The following STPG1 variants were observed in gnomAD, a reference collection of about 807,000 sequenced individuals.
The protein encoded by STPG1 is O(6)-methylguanine-induced apoptosis 2.
Under a neutral mutation model 40.1 loss-of-function variants are expected in STPG1, and 33 were observed. The ratio of observed to expected loss-of-function variants is 0.82; its 90% CI spans 0.62 to 1.10. STPG1 has a LOEUF of 1.10. STPG1 is among the 50% of genes least tolerant of loss of function. The pLI, the probability that STPG1 is intolerant of heterozygous loss-of-function variation, is 0.00. For synonymous variants in STPG1, 150 were observed against 155.0 expected, an observed-to-expected ratio of 0.97 and a Z score of 0.24; for missense variants, 396 against 415.1, an observed-to-expected ratio of 0.95 and a Z score of 0.40.
At chr1:24,408,778 T>C (rs991342348) in intron 1 of STPG1, among the ~76,000 whole-genome samples, 1 of 152,218 alleles carries the variant, frequency 6.6e-6, no homozygotes, top group Non-Finnish European at 1.5e-5. Context: ...CCCATTTTTT[T>C]CCCTAAGGAA....
intron 6 of STPG1, among the ~76,000 whole-genome samples, chr1:24,373,325 C>A (rs1641840428): frequency 6.6e-6 from 1 of 152,288 alleles, no homozygotes; most frequent in Non-Finnish European, 1.5e-5. Flanking sequence ...GTTGAAGGAA[C>A]AGGATGTATG....
intron 1 of STPG1, among the ~76,000 whole-genome samples, chr1:24,412,607 C>G (rs189802048): frequency 6.6e-6 from 1 of 152,142 alleles, no homozygotes; most frequent in Non-Finnish European, 1.5e-5. Flanking sequence ...ACCCGTAATC[C>G]CAGCACTTTG....
intron 2 of STPG1, among the ~76,000 whole-genome samples, chr1:24,395,428 A>ATTTT (rs71577706): frequency 3.1e-5 from 4 of 128,068 alleles, no homozygotes; most frequent in South Asian, 2.4e-4. Context: ...AAATTGAACA[A>ATTTT]TTTTTTTTTT....
intron 2 of STPG1, among the ~76,000 whole-genome samples, chr1:24,396,092 A>T (rs1642987936): frequency 6.6e-6 from 1 of 152,182 alleles, no homozygotes; most frequent in Non-Finnish European, 1.5e-5. Context: ...AGGAAGGGAA[A>T]AATAAAAATA....
rs1169472393 is a variant in STPG1 at position 24,374,253 on chromosome 1, TTTTG to T, written c.463-447_463-444del. ...TCACCGCTAGGAAAGTGTTTTTTTTTTTTGTTTTTTTTTTTTTTTTTCTGAGACA... is the reference window on the plus strand; with the variant it reads ...TCACCGCTAGGAAAGTGTTTTTTTTTTTTTTTTTTTTTTTTTTCTGAGACA... On this transcript the variant is annotated intron_variant, in intron 5 of 8. Coordinates refer to ENST00000337248, the MANE Select transcript of STPG1 (RefSeq NM_001199013.2). Among the ~76,000 whole-genome samples the T allele has an allele frequency of 3.8e-3, 352 of 93,334 alleles. 52 individuals carry two copies. Among genetic ancestry groups the T allele is most frequent in the Non-Finnish European group, 4.6e-3 (231 of 49,982 alleles). The allele number at this position is 93,334 out of a possible 152,430, so 61.2% of individuals were successfully genotyped here.
chr1:24,405,882 A>G (rs1032194185), intron 1 of STPG1, among the ~76,000 whole-genome samples: 1 of 151,766 alleles, frequency 6.6e-6, no homozygotes, highest in Non-Finnish European at 1.5e-5. Flanking sequence ...TATTTTTTCT[A>G]TCCTTTTACT....
At chr1:24,373,417 G>C (rs1570010654) in intron 6 of STPG1, among the ~76,000 whole-genome samples, 1 of 152,190 alleles carries the variant, frequency 6.6e-6, no homozygotes, top group Non-Finnish European at 1.5e-5. Flanking sequence ...TCTGAGGTGA[G>C]AAGCCACTTC....
rs746151958 is a variant in STPG1 at position 24,383,876 on chromosome 1, C to T, written c.291+26G>A. On this transcript the variant is annotated intron_variant, in intron 4 of 8. Transcript: ENST00000337248. The stretch of plus-strand genomic sequence containing the variant: ...GAAGGAAATTACTGACCAGTTAATG[C>T]TTTACTCAAGAGAAGTGGTTCTCAC... The T allele has an allele frequency of 4.2e-6, 6 of 1,416,302 alleles. No individual in the cohort carries two copies. The East Asian group carries it at 1.4e-4, about 32-fold the overall frequency. 87.7% of individuals were successfully genotyped at this position (1,416,302 alleles called of 1,614,324 possible). A position where few individuals can be genotyped will look rare whatever the true frequency, so the allele number is the denominator to read the frequency against.
Position 24,391,583 on chromosome 1 carries a change from G to C in STPG1, c.167C>G (p.Ala56Gly). 1 of 1,539,216 alleles carries C rather than the reference G, an allele frequency of 6.5e-7. No homozygotes were observed. The highest frequency in any genetic ancestry group is 8.8e-7 in the Non-Finnish European group (1 of 1,136,756). ...TACCTTCTTATGAGGAAATCTCTTG[G>C]CTTGACTATTGAATCCTTTTTTTTC... ...ESEKKGFNSQ[A>G]KRFPHKKNDI... The change falls in exon 3 of 9, where the codon GCC becomes GGC. Residue 56 changes from alanine (A) to glycine (G), a missense_variant. Coordinates refer to ENST00000337248, the MANE Select transcript of STPG1 (RefSeq NM_001199013.2).
At chr1:24,394,820 T>C (rs1198744435) in intron 2 of STPG1, among the ~76,000 whole-genome samples, 1 of 152,038 alleles carries the variant, frequency 6.6e-6, no homozygotes, top group Non-Finnish European at 1.5e-5. Context: ...TAGTGAGCTG[T>C]GTGGAAACTT....
rs1052644749 is a variant in STPG1 at position 24,359,859 on chromosome 1, C to A, written c.928+992G>T. The stretch of plus-strand genomic sequence containing the variant: ...TAGGTCAGGAAGCACAGAGGCCGCC[C>A]ACTGGACTGAGTCCCTCATGATATT... On this transcript the variant is annotated intron_variant, in intron 8 of 8. Transcript: ENST00000337248. This position sits in a 1 kb window ranked among gnomAD's most constrained non-coding sequence, Gnocchi z 5.3. Among the ~76,000 whole-genome samples, 21 of 152,208 alleles carry A rather than the reference C, an allele frequency of 1.4e-4. No individual in the cohort carries two copies. Among genetic ancestry groups the A allele is most frequent in the African/African-American group, 4.8e-4 (20 of 41,458 alleles).
intron 1 of STPG1, among the ~76,000 whole-genome samples, chr1:24,406,347 CT>C (rs1453502958): frequency 6.6e-6 from 1 of 152,008 alleles, no homozygotes; most frequent in Non-Finnish European, 1.5e-5. Context: ...CTTTTTGCTA[CT>C]TTTGTATACA....
At chr1:24,401,236 T>C (rs1643213080) in intron 2 of STPG1, 83 bp downstream of exon 2, 3 of 1,253,856 alleles carry the variant, frequency 2.4e-6, no homozygotes, top group Non-Finnish European at 3.5e-6. Context: ...AACCCAGGAC[T>C]TACTATTCCC....
At chr1:24,373,631 G>A in intron 6 of STPG1, 71 bp downstream of exon 6, 1 of 1,016,128 alleles carries the variant, frequency 9.8e-7, no homozygotes, top group Non-Finnish European at 1.6e-6. Context: ...CTGTGAAGAA[G>A]TAGGTGCCCT....
At chr1:24,366,703 G>A (rs141922929) in intron 7 of STPG1, among the ~76,000 whole-genome samples, 2 of 152,174 alleles carry the variant, frequency 1.3e-5, no homozygotes, top group East Asian at 1.9e-4. Context: ...AGCAAACCTG[G>A]GATTCTGATG....
chr1:24,388,202 G>A (rs1642597549), intron 3 of STPG1, among the ~76,000 whole-genome samples: 2 of 152,096 alleles, frequency 1.3e-5, no homozygotes, highest in African/African-American at 2.4e-5. Flanking sequence ...AGGAAACAGA[G>A]AAGCAAAGAC....
At chr1:24,384,494 A>G (rs748395706) in intron 3 of STPG1, among the ~76,000 whole-genome samples, 1 of 152,214 alleles carries the variant, frequency 6.6e-6, no homozygotes, top group East Asian at 1.9e-4. Context: ...AAACAAAAAC[A>G]ACCTTCAACC....
At chr1:24,392,553 T>A (rs535131137) in intron 2 of STPG1, among the ~76,000 whole-genome samples, 1 of 152,304 alleles carries the variant, frequency 6.6e-6, no homozygotes, top group East Asian at 1.9e-4. Flanking sequence ...CTGCCCTCAG[T>A]CCAGCCTCGC....
At chr1:24,375,788 AG>A in intron 5 of STPG1, among the ~76,000 whole-genome samples, 1 of 152,202 alleles carries the variant, frequency 6.6e-6, no homozygotes, top group Non-Finnish European at 1.5e-5. Flanking sequence ...TTTTTCACCC[AG>A]ACAGAAAAGC....
Sources: gnomAD v4.1 joint callset for allele counts (sites outside exome capture counted in the v4.1 genomes callset) on GRCh38, gnomAD v4.1.1 for gene constraint, Gnocchi (gnomAD v3.1) non-coding constraint, MANE v1.5 for transcripts, NCBI Gene and HGNC (gene_info 2026-07-23, HGNC 2026-07-21) for gene names.